The following ACCSL variants were observed in gnomAD, a reference collection of about 807,000 sequenced individuals.
ACCSL encodes probable inactive 1-aminocyclopropane-1-carboxylate synthase-like protein 2.
A neutral mutation model predicts 61.7 loss-of-function variants in ACCSL; 55 were observed. The ratio of observed to expected loss-of-function variants is 0.89; its 90% CI spans 0.72 to 1.12. The LOEUF (loss-of-function observed/expected upper bound fraction) is 1.12, where lower values mean the gene tolerates loss of function less well. ACCSL is among the 50% of genes most tolerant of loss of function. ACCSL has a pLI of 0.00. For missense variants in ACCSL, 632 were observed against 698.0 expected, an observed-to-expected ratio of 0.91 and a Z score of 1.07; for synonymous variants, 258 against 264.3, an observed-to-expected ratio of 0.98 and a Z score of 0.23.
the ACCSL span, among the ~76,000 whole-genome samples, chr11:43,962,700 C>T: frequency 6.6e-6 from 1 of 152,136 alleles, no homozygotes; most frequent in African/African-American, 2.4e-5. Flanking sequence ...AACCAGGAAG[C>T]AAAGAAATGA....
the ACCSL span, among the ~76,000 whole-genome samples, chr11:44,040,709 G>A: frequency 6.6e-6 from 1 of 152,186 alleles, no homozygotes; most frequent in Non-Finnish European, 1.5e-5. Context: ...AGGGTAATGT[G>A]AGCTGTGGGA....
At chr11:43,992,147 G>C in the ACCSL span, among the ~76,000 whole-genome samples, 1 of 150,432 alleles carries the variant, frequency 6.6e-6, no homozygotes. Context: ...GACCTCCTGG[G>C]CCCAAGGGAT....
chr11:43,946,372 A>T, the ACCSL span, among the ~76,000 whole-genome samples: 7 of 152,232 alleles, frequency 4.6e-5, no homozygotes, highest in East Asian at 1.4e-3. Context: ...TGCTGGGATT[A>T]CAGGCGTGAG....
chr11:43,978,879 G>A, the ACCSL span, among the ~76,000 whole-genome samples: 1 of 147,526 alleles, frequency 6.8e-6, no homozygotes, highest in Non-Finnish European at 1.5e-5. Flanking sequence ...AGCATCAACT[G>A]GTCGGGTAAG....
At chr11:44,050,683 G>A (rs1952631492) in intron 3 of ACCSL, 61 bp downstream of exon 3, 3 of 1,523,878 alleles carry the variant, frequency 2.0e-6, no homozygotes, top group Non-Finnish European at 2.7e-6. Flanking sequence ...TATCCAGAAG[G>A]AGGATTCAAG....
chr11:44,046,832 A>G (rs529137320), upstream of ACCSL, among the ~76,000 whole-genome samples: 2 of 152,154 alleles, frequency 1.3e-5, no homozygotes, highest in Non-Finnish European at 2.9e-5. Context: ...AAGCTTTCCT[A>G]CCTTCTGGGA....
At chr11:44,056,453 T>C (rs1590432700) in intron 11 of ACCSL, 127 bp downstream of exon 11, 2 of 1,271,410 alleles carry the variant, frequency 1.6e-6, no homozygotes, top group Non-Finnish European at 2.1e-6. Flanking sequence ...CAGATTTAAC[T>C]GTGGTAAGAT....
the ACCSL span, among the ~76,000 whole-genome samples, chr11:44,021,018 T>TA: frequency 1.3e-5 from 2 of 152,314 alleles, no homozygotes; most frequent in African/African-American, 2.4e-5. Flanking sequence ...ACATTTTCTT[T>TA]ATCTAGTTGT....
At chr11:44,018,440 T>C in the ACCSL span, among the ~76,000 whole-genome samples, 2 of 152,164 alleles carry the variant, frequency 1.3e-5, no homozygotes, top group Non-Finnish European at 2.9e-5. Context: ...GGCAATATAG[T>C]TGGTGCTCAG....
At chr11:43,992,994 G>A in the ACCSL span, among the ~76,000 whole-genome samples, 1 of 152,196 alleles carries the variant, frequency 6.6e-6, no homozygotes, top group East Asian at 1.9e-4. Context: ...AAGTGAGAAC[G>A]TGGAGGAGGC....
the ACCSL span, among the ~76,000 whole-genome samples, chr11:44,000,258 G>A: frequency 1.3e-5 from 2 of 152,102 alleles, no homozygotes; most frequent in African/African-American, 4.8e-5. Flanking sequence ...TCAAGTAGCT[G>A]GGATTACAGG....
the ACCSL span, among the ~76,000 whole-genome samples, chr11:43,954,773 C>T: frequency 6.6e-6 from 1 of 151,896 alleles, no homozygotes; most frequent in Non-Finnish European, 1.5e-5. Flanking sequence ...TTAGTAGAGA[C>T]GGGGTTTCTC....
the ACCSL span, among the ~76,000 whole-genome samples, chr11:44,000,154 T>C: frequency 2.0e-5 from 3 of 152,094 alleles, no homozygotes; most frequent in African/African-American, 7.2e-5. Flanking sequence ...AGATGGAGTC[T>C]TGCTCTGTTG....
chr11:43,970,216 T>C, the ACCSL span, among the ~76,000 whole-genome samples: 1 of 152,126 alleles, frequency 6.6e-6, no homozygotes, highest in Non-Finnish European at 1.5e-5. Flanking sequence ...AAGTATTTTT[T>C]ATTTTTGGAA....
the ACCSL span, among the ~76,000 whole-genome samples, chr11:44,023,239 G>GGCA: frequency 6.6e-6 from 1 of 151,644 alleles, no homozygotes; most frequent in Non-Finnish European, 1.5e-5. Flanking sequence ...TTTTAGTAGA[G>GGCA]GCAGAGTTTT....
At chr11:44,021,810 G>T in the ACCSL span, among the ~76,000 whole-genome samples, 1 of 152,092 alleles carries the variant, frequency 6.6e-6, no homozygotes, top group African/African-American at 2.4e-5. Context: ...TGACAGATGA[G>T]GATCCAGTTT....
chr11:44,054,890 G>A (rs996189278), intron 8 of ACCSL, among the ~76,000 whole-genome samples: 1 of 152,120 alleles, frequency 6.6e-6, no homozygotes, highest in Non-Finnish European at 1.5e-5. Context: ...TCTTCCCATA[G>A]TCTCTGCTTG....
chr11:43,964,184 C>G, the ACCSL span, among the ~76,000 whole-genome samples: 3 of 152,088 alleles, frequency 2.0e-5, no homozygotes, highest in Non-Finnish European at 4.4e-5. Flanking sequence ...GTGGCTCATG[C>G]CTGTAATCCC....
At chr11:44,036,506 G>T in the ACCSL span, among the ~76,000 whole-genome samples, 1 of 152,160 alleles carries the variant, frequency 6.6e-6, no homozygotes, top group Non-Finnish European at 1.5e-5. Flanking sequence ...TCTATGCCAG[G>T]TGCTGTGGTG....
Sources: gnomAD v4.1 joint callset for allele counts (sites outside exome capture counted in the v4.1 genomes callset) on GRCh38, gnomAD v4.1.1 for gene constraint, MANE v1.5 for transcripts, NCBI Gene and HGNC (gene_info 2026-07-23, HGNC 2026-07-21) for gene names.